CAMKMT: variants seen among roughly 807,000 people sequenced by gnomAD.
CAMKMT encodes the protein CaM KMT.
A neutral mutation model predicts 48.0 loss-of-function variants in CAMKMT; 53 were observed. That is an observed-to-expected ratio of 1.10 (90% CI 0.89 to 1.39). The LOEUF is 1.39. Ranked by LOEUF, CAMKMT falls within the 40% of genes most tolerant of loss-of-function variation. The pLI is 0.00. For missense variants in CAMKMT, 428 were observed against 402.7 expected (o/e 1.06, Z -0.54); for synonymous variants, 165 against 152.3 (o/e 1.08, Z -0.61).
chr2:44,419,859 C>T (rs1243616939), intron 3 of CAMKMT, among the ~76,000 whole-genome samples: 2 of 152,126 alleles, frequency 1.3e-5, no homozygotes, highest in African/African-American at 2.4e-5. Flanking sequence ...TATGGTGAGA[C>T]CTCCCCTCTT....
At chr2:44,726,761 T>C (rs2104333501) in intron 7 of CAMKMT, among the ~76,000 whole-genome samples, 1 of 152,350 alleles carries the variant, frequency 6.6e-6, no homozygotes, top group East Asian at 1.9e-4. Context: ...GTCTTACATT[T>C]AAAACCGTAA....
At chr2:44,521,435 C>T (rs1195078195) in intron 3 of CAMKMT, among the ~76,000 whole-genome samples, 1 of 152,112 alleles carries the variant, frequency 6.6e-6, no homozygotes, top group Non-Finnish European at 1.5e-5. Context: ...TGCACCACCA[C>T]ACCTGGCCAA....
chr2:44,628,044 A>G (rs1672593430), intron 3 of CAMKMT, among the ~76,000 whole-genome samples: 1 of 151,914 alleles, frequency 6.6e-6, no homozygotes, highest in Admixed American at 6.6e-5. Context: ...GTAGCAATCA[A>G]TGTTCCCTAT....
intron 3 of CAMKMT, among the ~76,000 whole-genome samples, chr2:44,517,655 C>T (rs987498863): frequency 5.3e-5 from 8 of 152,066 alleles, no homozygotes; most frequent in Admixed American, 2.0e-4. Flanking sequence ...AAGTGGAAAA[C>T]GGCAGTATCC....
Position 44,415,614 on chromosome 2 carries a change from T to TTGTG in CAMKMT, c.376+25319_376+25322dup, listed in dbSNP as rs1199697196. 2.6e-5 allele frequency among the ~76,000 whole-genome samples: 4 copies of TTGTG among 152,054 alleles called. No homozygotes were observed. The East Asian group carries it at 7.7e-4, about 29-fold the overall frequency. On this transcript the variant is annotated intron_variant, in intron 3 of 10. Coordinates refer to ENST00000378494, the MANE Select transcript of CAMKMT (RefSeq NM_024766.5). ...ATTTCTAATGTAAACAGAGAGCAAA[T>TTGTG]TGTGTGTGTGTGTATGCACATGAGT...
chr2:44,734,325 G>A (rs979919788), intron 7 of CAMKMT, among the ~76,000 whole-genome samples: 1 of 151,724 alleles, frequency 6.6e-6, no homozygotes, highest in Non-Finnish European at 1.5e-5. Flanking sequence ...TTATTTAGAA[G>A]TATATTATTT....
intron 3 of CAMKMT, among the ~76,000 whole-genome samples, chr2:44,631,221 G>A (rs1672800823): frequency 6.6e-6 from 1 of 152,072 alleles, no homozygotes; most frequent in Non-Finnish European, 1.5e-5. Flanking sequence ...CACAGGAAGG[G>A]GAACATCACA....
At chr2:44,600,524 C>T (rs1259321741) in intron 3 of CAMKMT, among the ~76,000 whole-genome samples, 9 of 152,116 alleles carry the variant, frequency 5.9e-5, no homozygotes, top group African/African-American at 1.9e-4. Context: ...CGACCTCAGC[C>T]TCCCAAGCAC....
intron 2 of CAMKMT, among the ~76,000 whole-genome samples, chr2:44,387,897 C>G (rs538247743): frequency 1.3e-5 from 2 of 152,294 alleles, no homozygotes; most frequent in Admixed American, 6.5e-5. Flanking sequence ...GCTGAGAAAT[C>G]TGCTGTTGAT....
chr2:44,604,371 C>G (rs571045890), intron 3 of CAMKMT, among the ~76,000 whole-genome samples: 2 of 152,136 alleles, frequency 1.3e-5, no homozygotes, highest in South Asian at 4.1e-4. Flanking sequence ...ATTTTAATTT[C>G]TGACCATCCT....
chr2:44,584,250 TATTC>T (rs766411217), intron 3 of CAMKMT, among the ~76,000 whole-genome samples: 144 of 152,360 alleles, frequency 9.5e-4, no homozygotes, highest in South Asian at 2.3e-3. Flanking sequence ...ACAATTTATT[TATTC>T]ATTTATCCAC....
intron 3 of CAMKMT, among the ~76,000 whole-genome samples, chr2:44,460,713 A>G (rs2104617668): frequency 7.4e-6 from 1 of 134,250 alleles, no homozygotes; most frequent in East Asian, 2.2e-4. Flanking sequence ...TGAGTGATAG[A>G]TTCTTTTTTT....
At chr2:44,572,200 T>C (rs145335423) in intron 3 of CAMKMT, among the ~76,000 whole-genome samples, 328 of 152,280 alleles carry the variant, frequency 2.2e-3, no homozygotes, top group African/African-American at 7.4e-3. Flanking sequence ...TCTCTGTGAA[T>C]TTCTTTTTTA....
At chr2:44,362,691 G>A (rs1187832276) in intron 1 of CAMKMT, among the ~76,000 whole-genome samples, 1 of 152,186 alleles carries the variant, frequency 6.6e-6, no homozygotes, top group Non-Finnish European at 1.5e-5. Flanking sequence ...CTCTCTCACT[G>A]AGGTCTCAAA....
At position 44,390,245 on chromosome 2, in the gene CAMKMT, A is replaced by C. The variant is rs757346624; in HGVS notation, c.316A>C (p.Asn106His). Reference protein sequence around the residue: ...CPEYSISLRHNSGSLNVEDVL... With the variant: ...CPEYSISLRHHSGSLNVEDVL... ...AAACGCTTTACTCCTTTCTAGGCAT[A>C]ATAGTGGATCCTTGAATGTTGAAGA... Residue 106 changes from asparagine (N) to histidine (H), a missense_variant, in exon 3 of 11, where the codon AAT becomes CAT. Asn to His is a moderately conservative substitution (Grantham distance 68, BLOSUM62 1). Transcript: ENST00000378494. The C allele has an allele frequency of 1.2e-6, 2 of 1,606,526 alleles. No individual in the cohort carries two copies. Among genetic ancestry groups the C allele is most frequent in the Non-Finnish European group, 1.7e-6 (2 of 1,177,166 alleles).
chr2:44,554,851 A>G (rs1003572011), intron 3 of CAMKMT, among the ~76,000 whole-genome samples: 6 of 152,204 alleles, frequency 3.9e-5, no homozygotes. Flanking sequence ...CTCCGGCCCG[A>G]GTGACAGAGT....
At chr2:44,637,655 C>G (rs1195774051) in intron 3 of CAMKMT, among the ~76,000 whole-genome samples, 1 of 152,088 alleles carries the variant, frequency 6.6e-6, no homozygotes, top group African/African-American at 2.4e-5. Flanking sequence ...GAACCTCTCC[C>G]TATGTCAGGT....
intron 9 of CAMKMT, among the ~76,000 whole-genome samples, chr2:44,761,027 G>A (rs116134037): frequency 0.02 from 3,011 of 152,304 alleles, 82 homozygotes; most frequent in African/African-American, 0.069. Context: ...ACAGTCTAGA[G>A]ACAAGCAAGG....
chr2:44,407,795 A>G (rs1682885212), intron 3 of CAMKMT, among the ~76,000 whole-genome samples: 1 of 152,098 alleles, frequency 6.6e-6, no homozygotes, highest in Admixed American at 6.5e-5. Flanking sequence ...TTGATGTGAA[A>G]GTATTTTTTC....
Sources: allele counts gnomAD v4.1 joint callset (sites outside exome capture counted in the v4.1 genomes callset), GRCh38; gene constraint gnomAD v4.1.1; transcripts MANE v1.5; gene names NCBI Gene and HGNC (gene_info 2026-07-23, HGNC 2026-07-21).